UNC13C: variants seen among roughly 807,000 people sequenced by gnomAD.
UNC13C encodes protein unc-13 homolog C.
UNC13C carries 174 observed loss-of-function variants against 245.4 expected under a neutral mutation model. The observed-to-expected ratio is 0.71, with a 90% confidence interval of 0.63 to 0.80. UNC13C has a LOEUF of 0.80. Ranked by LOEUF, UNC13C falls within the 30% of genes least tolerant of loss-of-function variation. The pLI is 0.00. For synonymous variants in UNC13C, 992 were observed against 895.1 expected (o/e 1.11, Z -1.93); for missense variants, 2,829 against 2,602.9 (o/e 1.09, Z -1.89).
At chr15:53,984,196 T>C (rs200812696) in intron 1 of UNC13C, among the ~76,000 whole-genome samples, 2 of 152,118 alleles carry the variant, frequency 1.3e-5, no homozygotes, top group East Asian at 3.9e-4. Flanking sequence ...ATACTTAGTA[T>C]GGCAAAATAT....
the UNC13C span, among the ~76,000 whole-genome samples, chr15:53,925,687 T>C: frequency 6.6e-6 from 1 of 152,240 alleles, no homozygotes; most frequent in Admixed American, 6.5e-5. Context: ...CTGCCTCATT[T>C]AATCTGTAGT....
rs143850833 is a variant in UNC13C at position 54,623,784 on chromosome 15, CT to C, written c.6200-3del. On this transcript the variant is annotated splice_polypyrimidine_tract_variant and intron_variant, in intron 31 of 32. Transcript: ENST00000260323. ...TCTGTTTGCTAAAATGTGATATTTC[CT>C]TTTTTTTAGTGATTGCTATTAATGA... 4.8e-5 allele frequency: 75 copies of C among 1,577,170 alleles called. No individual in the cohort carries two copies. Among genetic ancestry groups the C allele is most frequent in the African/African-American group, 2.3e-4 (17 of 73,820 alleles).
chr15:54,136,364 T>A (rs1285290408), intron 2 of UNC13C, among the ~76,000 whole-genome samples: 2 of 152,072 alleles, frequency 1.3e-5, no homozygotes, highest in Non-Finnish European at 2.9e-5. Context: ...GTTTTAATAT[T>A]TTTTCAGATA....
chr15:54,111,142 G>A (rs1033633840), intron 2 of UNC13C, among the ~76,000 whole-genome samples: 4 of 152,118 alleles, frequency 2.6e-5, no homozygotes, highest in Admixed American at 6.5e-5. Context: ...TTTCACTTCT[G>A]ACTTTACTCT....
chr15:54,601,380 G>A (rs1175462249), intron 30 of UNC13C, among the ~76,000 whole-genome samples: 1 of 152,120 alleles, frequency 6.6e-6, no homozygotes, highest in Admixed American at 6.5e-5. Flanking sequence ...AATATTACAG[G>A]AAAGTGCTGT....
chr15:54,423,068 CA>C, intron 19 of UNC13C, among the ~76,000 whole-genome samples: 1 of 151,242 alleles, frequency 6.6e-6, no homozygotes, highest in South Asian at 2.1e-4. Context: ...TGTGTGTGTA[CA>C]TTATATATAT....
chr15:54,519,207 T>G (rs915111722), intron 24 of UNC13C, among the ~76,000 whole-genome samples: 1 of 152,014 alleles, frequency 6.6e-6, no homozygotes, highest in South Asian at 2.1e-4. Flanking sequence ...ATCCATGAAG[T>G]AGAGGAATAG....
rs537447621 is a variant in UNC13C at position 54,367,318 on chromosome 15, C to T, written c.4714-25730C>T. ...GCAACTATATTTACATTTTCCAATC[C>T]TACCTATTCATAAAGGCACAATGTG... is the stretch of plus-strand genomic sequence containing the variant. On this transcript the variant is annotated intron_variant, in intron 17 of 32. Coordinates refer to ENST00000260323, the MANE Select transcript of UNC13C (RefSeq NM_001080534.3). 1.1e-3 allele frequency among the ~76,000 whole-genome samples: 174 copies of T among 152,270 alleles called. 1 individual carries two copies. Among genetic ancestry groups the T allele is most frequent in the African/African-American group, 4.0e-3 (168 of 41,560 alleles).
chr15:54,325,654 TGTG>T (rs2038281754), intron 14 of UNC13C, among the ~76,000 whole-genome samples: 1 of 151,840 alleles, frequency 6.6e-6, no homozygotes, highest in Non-Finnish European at 1.5e-5. Context: ...AGTGAGAACA[TGTG>T]GTGTTTGCTT....
intron 2 of UNC13C, among the ~76,000 whole-genome samples, chr15:54,131,863 A>C (rs2031436694): frequency 6.6e-6 from 1 of 152,030 alleles, no homozygotes. Context: ...TTCAAGCTTC[A>C]ATGCCTTTTG....
At chr15:54,038,124 A>ATATTTTTTTTTTTTTTTTTTTTT in intron 2 of UNC13C, among the ~76,000 whole-genome samples, 4 of 45,040 alleles carry the variant, frequency 8.9e-5, no homozygotes, top group Admixed American at 5.0e-4. Context: ...ATATATATAT[A>ATATTTTTTTTTTTTTTTTTTTTT]TTTTTTTTTT....
intron 2 of UNC13C, among the ~76,000 whole-genome samples, chr15:54,118,932 T>C (rs1182025194): frequency 6.6e-6 from 1 of 151,642 alleles, no homozygotes; most frequent in Non-Finnish European, 1.5e-5. Context: ...GTTAATGTGA[T>C]GTATCACATT....
intron 10 of UNC13C, among the ~76,000 whole-genome samples, chr15:54,293,504 C>T (rs2037354847): frequency 6.6e-6 from 1 of 151,992 alleles, no homozygotes; most frequent in African/African-American, 2.4e-5. Context: ...ACATTCTCAA[C>T]ACCCATTGCA....
chr15:53,838,258 A>C, the UNC13C span, among the ~76,000 whole-genome samples: 2 of 152,068 alleles, frequency 1.3e-5, no homozygotes, highest in African/African-American at 4.8e-5. Flanking sequence ...CAAACTTTAT[A>C]ATTTTCTCCA....
chr15:53,867,279 A>T, the UNC13C span, among the ~76,000 whole-genome samples: 1 of 152,228 alleles, frequency 6.6e-6, no homozygotes, highest in African/African-American at 2.4e-5. Context: ...GCAATGAACA[A>T]TAAACATGAG....
At chr15:53,976,648 A>C, upstream of UNC13C, 1 of 151,432 alleles carries the variant, frequency 6.6e-6, no homozygotes, top group Non-Finnish European at 1.5e-5. Flanking sequence ...ATTTTCCTAC[A>C]TACATGTTTT....
intron 25 of UNC13C, 80 bp from the exon 26 acceptor site, chr15:54,532,837 C>G (rs1451402870): frequency 8.1e-6 from 8 of 982,042 alleles, no homozygotes; most frequent in Non-Finnish European, 1.0e-5. Flanking sequence ...TGAAACAGAT[C>G]AAAATCCTCA....
intron 10 of UNC13C, among the ~76,000 whole-genome samples, chr15:54,276,958 C>T (rs2036848960): frequency 6.6e-6 from 1 of 152,014 alleles, no homozygotes; most frequent in Non-Finnish European, 1.5e-5. Context: ...AAGATAATTT[C>T]TATAATTGAT....
chr15:53,889,598 G>T, the UNC13C span, among the ~76,000 whole-genome samples: 9 of 152,150 alleles, frequency 5.9e-5, no homozygotes, highest in African/African-American at 1.4e-4. Context: ...TATTGAATAG[G>T]AGTGGTGAGA....
Sources: gnomAD v4.1 joint callset for allele counts (sites outside exome capture counted in the v4.1 genomes callset) on GRCh38, gnomAD v4.1.1 for gene constraint, MANE v1.5 for transcripts, NCBI Gene and HGNC (gene_info 2026-07-23, HGNC 2026-07-21) for gene names.